The following MATCAP2 variants were observed in gnomAD, a reference collection of about 807,000 sequenced individuals.
The protein encoded by MATCAP2 is putative tyrosine carboxypeptidase MATCAP2.
At chr7:36,340,924 T>G in the MATCAP2 span, among the ~76,000 whole-genome samples, 2 of 152,202 alleles carry the variant, frequency 1.3e-5, no homozygotes, top group East Asian at 3.8e-4. Context: ...AAGGAAACAG[T>G]AGCTTTAAAA....
chr7:36,348,557 T>C, the MATCAP2 span, among the ~76,000 whole-genome samples: 2 of 152,202 alleles, frequency 1.3e-5, no homozygotes, highest in Admixed American at 1.3e-4. Context: ...ATTTTTAACA[T>C]ACCAGCAAAA....
At chr7:36,367,097 G>A in the MATCAP2 span, 15 of 1,245,772 alleles carry the variant, frequency 1.2e-5, no homozygotes, top group Non-Finnish European at 1.5e-5. Context: ...GGGTAAGGGC[G>A]GACGAAGACG....
chr7:36,375,222 G>A, the MATCAP2 span, among the ~76,000 whole-genome samples: 1 of 152,258 alleles, frequency 6.6e-6, no homozygotes, highest in South Asian at 2.1e-4. Flanking sequence ...ACTTTTTAAT[G>A]ATCGCCATTC....
the MATCAP2 span, among the ~76,000 whole-genome samples, chr7:36,368,780 GATATTCCTCA>G: frequency 6.6e-6 from 1 of 152,066 alleles, no homozygotes; most frequent in Non-Finnish European, 1.5e-5. Context: ...TGGCCTCTTT[GATATTCCTCA>G]ATTCCAGGCA....
chr7:36,357,123 T>C, the MATCAP2 span: 3 of 1,614,190 alleles, frequency 1.9e-6, no homozygotes, highest in South Asian at 1.1e-5. Context: ...GGCTTTGGCT[T>C]TGGAAGAGTG....
At chr7:36,348,338 G>A in the MATCAP2 span, among the ~76,000 whole-genome samples, 2 of 152,154 alleles carry the variant, frequency 1.3e-5, no homozygotes, top group African/African-American at 4.8e-5. Flanking sequence ...TGGGACAGTG[G>A]TAGTCACACA....
At chr7:36,348,160 C>T in the MATCAP2 span, among the ~76,000 whole-genome samples, 1 of 152,132 alleles carries the variant, frequency 6.6e-6, no homozygotes, top group African/African-American at 2.4e-5. Context: ...TATATACATA[C>T]ATATACATAT....
chr7:36,386,141 C>T, the MATCAP2 span, among the ~76,000 whole-genome samples: 3 of 150,870 alleles, frequency 2.0e-5, no homozygotes, highest in African/African-American at 7.3e-5. Context: ...GGCGAAAGAG[C>T]GAGACCCTGT....
chr7:36,335,354 T>A, the MATCAP2 span, among the ~76,000 whole-genome samples: 1 of 152,180 alleles, frequency 6.6e-6, no homozygotes, highest in South Asian at 2.1e-4. Context: ...CCCTTCTAAT[T>A]TTGACCCTTT....
chr7:36,365,530 T>G, the MATCAP2 span, among the ~76,000 whole-genome samples: 2 of 152,134 alleles, frequency 1.3e-5, no homozygotes, highest in African/African-American at 4.8e-5. Flanking sequence ...TGAAACCCTG[T>G]CTCTATTAAA....
At chr7:36,358,711 A>G in the MATCAP2 span, among the ~76,000 whole-genome samples, 9 of 152,238 alleles carry the variant, frequency 5.9e-5, no homozygotes, top group African/African-American at 2.2e-4. Flanking sequence ...CTAATTCAGC[A>G]CATGGCTCTG....
chr7:36,365,631 G>A, the MATCAP2 span, among the ~76,000 whole-genome samples: 1 of 152,144 alleles, frequency 6.6e-6, no homozygotes, highest in Non-Finnish European at 1.5e-5. Flanking sequence ...CCTGGGAGGT[G>A]GAGATTGCAG....
chr7:36,339,094 A>G, the MATCAP2 span, among the ~76,000 whole-genome samples: 3 of 152,232 alleles, frequency 2.0e-5, no homozygotes, highest in African/African-American at 7.2e-5. Flanking sequence ...ACTATGTCTC[A>G]GGCCATGGTC....
the MATCAP2 span, chr7:36,367,271 A>C: frequency 9.6e-7 from 1 of 1,038,326 alleles, no homozygotes. Context: ...GCTGCGCTTC[A>C]CGGAGCCTGC....
chr7:36,383,040 CAA>C, the MATCAP2 span, among the ~76,000 whole-genome samples: 581 of 152,110 alleles, frequency 3.8e-3, 5 homozygotes, highest in African/African-American at 0.013. Flanking sequence ...TTTTTGGAAA[CAA>C]TATAATATGT....
At chr7:36,366,981 G>A in the MATCAP2 span, 3 of 1,336,920 alleles carry the variant, frequency 2.2e-6, no homozygotes, top group Non-Finnish European at 1.9e-6. Context: ...CGCGGGCTCA[G>A]GGGAAAGGGC....
At chr7:36,366,851 C>T in the MATCAP2 span, 2 of 1,504,186 alleles carry the variant, frequency 1.3e-6, no homozygotes, top group Non-Finnish European at 1.8e-6. Flanking sequence ...ATTACCTGAG[C>T]CCCGGGCGGC....
the MATCAP2 span, among the ~76,000 whole-genome samples, chr7:36,330,595 T>C: frequency 6.6e-6 from 1 of 152,160 alleles, no homozygotes; most frequent in East Asian, 1.9e-4. Context: ...TTAGATGTTA[T>C]ATTTAATAAA....
the MATCAP2 span, among the ~76,000 whole-genome samples, chr7:36,347,426 A>G: frequency 1.3e-5 from 2 of 152,200 alleles, no homozygotes; most frequent in Non-Finnish European, 2.9e-5. Context: ...CAATGAGGAC[A>G]CCAGTATGAT....
Sources: allele counts gnomAD v4.1 joint callset (sites outside exome capture counted in the v4.1 genomes callset), GRCh38; gene constraint gnomAD v4.1.1; transcripts MANE v1.5; gene names NCBI Gene and HGNC (gene_info 2026-07-23, HGNC 2026-07-21).